ZNF318: variants seen among roughly 807,000 people sequenced by gnomAD.
ZNF318 encodes the protein zinc finger protein 318.
Under a neutral mutation model 124.2 loss-of-function variants are expected in ZNF318, and 51 were observed. The observed-to-expected ratio is 0.41, with a 90% CI of 0.33 to 0.52. ZNF318 has a LOEUF of 0.52. Ranked by LOEUF, ZNF318 falls within the 20% of genes least tolerant of loss-of-function variation. The probability of loss-of-function intolerance (pLI) is 0.23; values close to 1 mark genes in which losing one functional copy is unlikely to be tolerated. For synonymous variants in ZNF318, 1,090 were observed against 1,040.7 expected, an observed-to-expected ratio of 1.05 and a Z score of -0.91; for missense variants, 2,815 against 2,811.2, an observed-to-expected ratio of 1.00 and a Z score of -0.03.
chr6:43,359,838 A>T (rs1046430017), intron 2 of ZNF318, among the ~76,000 whole-genome samples: 3 of 152,194 alleles, frequency 2.0e-5, no homozygotes, highest in Admixed American at 6.5e-5. Flanking sequence ...CTTCTTCCTA[A>T]GAATTTGGGA....
At chr6:43,354,625 A>G (rs368480738) in intron 4 of ZNF318, 39 bp downstream of exon 4, 836 of 1,532,834 alleles carry the variant, frequency 5.5e-4, no homozygotes, top group Non-Finnish European at 6.8e-4. Context: ...ATGGCAAAAC[A>G]GAAAACTCAG....
intron 8 of ZNF318, among the ~76,000 whole-genome samples, chr6:43,341,817 AAGT>A (rs1413261657): frequency 6.6e-6 from 1 of 152,206 alleles, no homozygotes; most frequent in Non-Finnish European, 1.5e-5. Flanking sequence ...GATTCCAAAC[AAGT>A]AAGATTTTGG....
intron 8 of ZNF318, among the ~76,000 whole-genome samples, chr6:43,341,579 G>A (rs1308233486): frequency 6.6e-6 from 1 of 151,322 alleles, no homozygotes; most frequent in East Asian, 1.9e-4. Context: ...GAACCCGGGA[G>A]GCGGGGCTTG....
At chr6:43,363,648 C>T in intron 2 of ZNF318, 1 of 514,178 alleles carries the variant, frequency 1.9e-6, no homozygotes, top group Non-Finnish European at 3.5e-6. Flanking sequence ...AGATCAAGTC[C>T]CTGGAGAACT....
chr6:43,369,555 G>A lies in ZNF318; in HGVS notation c.-190C>T, dbSNP rs1275937196. 1 of 211,858 alleles carries A rather than the reference G, an allele frequency of 4.7e-6. No individual in the cohort carries two copies. The highest frequency in any genetic ancestry group is 8.1e-6 in the Non-Finnish European group (1 of 123,220). 13.1% of individuals were successfully genotyped at this position (211,858 alleles called of 1,614,324 possible). ...CCGGCCGAGCGCGCCCCCGCGGCTG[G>A]CGGTTGGAGGGCGCGAGCACGCGTC... On this transcript the variant is annotated 5_prime_UTR_variant, in exon 1 of 10. Coordinates refer to ENST00000361428, the MANE Select transcript of ZNF318 (RefSeq NM_014345.3).
chr6:43,341,004 T>C (rs1779367768), intron 8 of ZNF318, 96 bp from the exon 9 acceptor site: 2 of 915,816 alleles, frequency 2.2e-6, no homozygotes, highest in African/African-American at 3.3e-5. Flanking sequence ...AGTAAAATGG[T>C]TACAGTATAG....
intron 2 of ZNF318, among the ~76,000 whole-genome samples, chr6:43,358,023 T>C (rs1005382809): frequency 6.6e-6 from 1 of 152,180 alleles, no homozygotes; most frequent in African/African-American, 2.4e-5. Flanking sequence ...GCATGCAGAA[T>C]ATCATGGAAG....
intron 4 of ZNF318, 37 bp from the exon 5 acceptor site, chr6:43,352,513 C>G: frequency 6.4e-7 from 1 of 1,556,006 alleles, no homozygotes; most frequent in Non-Finnish European, 8.9e-7. Flanking sequence ...TCCATCTCCT[C>G]CAACATTCTC....
At chr6:43,347,381 T>C (rs577055203) in intron 6 of ZNF318, among the ~76,000 whole-genome samples, 1 of 152,294 alleles carries the variant, frequency 6.6e-6, no homozygotes, top group South Asian at 2.1e-4. Context: ...TGGACTTGAA[T>C]GTCAATGGAG....
Position 43,354,659 on chromosome 6 carries a change from T to C in ZNF318, c.2670+5A>G. ...AGGCACAGGATACCCAAAGCTAATA[T>C]TCACCTTTTGCTTCTGGGAAGCACG... is the stretch of plus-strand genomic sequence containing the variant. On this transcript the variant is annotated splice_donor_5th_base_variant and intron_variant, in intron 4 of 9. Coordinates refer to ENST00000361428, the MANE Select transcript of ZNF318 (RefSeq NM_014345.3). 6.3e-7 allele frequency: 1 copy of C among 1,589,204 alleles called. No individual in the cohort carries two copies. The highest frequency in any genetic ancestry group is 8.6e-7 in the Non-Finnish European group (1 of 1,165,570).
chr6:43,336,813 T>C lies in ZNF318; in HGVS notation c.*345A>G, dbSNP rs1779285678. ...CCCCCACATTTCAGAAATGGCAGAGTCAAAGCCAAAATACAATCAAAGCAC... is the reference window on the plus strand; with the variant it reads ...CCCCCACATTTCAGAAATGGCAGAGCCAAAGCCAAAATACAATCAAAGCAC... On this transcript the variant is annotated 3_prime_UTR_variant, in exon 10 of 10. Transcript: ENST00000361428. 1 of 153,514 alleles carries C rather than the reference T, an allele frequency of 6.5e-6. No homozygotes were observed. The highest frequency in any genetic ancestry group is 1.5e-5 in the Non-Finnish European group (1 of 68,860). The allele number at this position is 153,514 out of a possible 1,614,324, so 9.5% of individuals were successfully genotyped here.
chr6:43,348,294 A>G (rs940913066), intron 6 of ZNF318, 30 bp downstream of exon 6: 6 of 1,577,610 alleles, frequency 3.8e-6, no homozygotes, highest in Non-Finnish European at 5.1e-6. Flanking sequence ...GAAAAAAAAG[A>G]TGATAGAAAT....
intron 1 of ZNF318, 175 bp downstream of exon 1, chr6:43,368,792 T>G: frequency 2.0e-6 from 2 of 985,130 alleles, no homozygotes; most frequent in Non-Finnish European, 2.4e-6. Context: ...AGTCCGTTAT[T>G]GTGTCAACGC....
At position 43,338,655 on chromosome 6, in the gene ZNF318, T is replaced by C. The variant is rs768311047; in HGVS notation, c.5343A>G (p.Leu1781=). Residue 1781 remains leucine (L), a synonymous_variant, in exon 10 of 10, where the codon CTA becomes CTG. Transcript: ENST00000361428. ...CAGACAGCTCCTTTACCCTTTCTTT[T>C]AGTTCAGTGTTTGTCTCTATCTCAC... ...RESEIETNTE[L]KERVKELSEG... is the part of the protein sequence containing the mutation. 2 of 1,614,230 alleles carry C rather than the reference T, an allele frequency of 1.2e-6. No homozygotes were observed. The highest frequency in any genetic ancestry group is 1.1e-5 in the South Asian group (1 of 91,088).
Position 43,355,219 on chromosome 6 carries a change from G to A in ZNF318, c.2115C>T (p.Leu705=). The A allele has an allele frequency of 6.2e-7, 1 of 1,614,152 alleles. No homozygotes were observed. The change falls in exon 4 of 10, where the codon CTC becomes CTT. Residue 705 remains leucine, a synonymous_variant. Transcript: ENST00000361428. ...TTAGGAATGGAGGGCTGTTTTTTGT[G>A]AGCAGGTAAGGATCCACAGGAGAAG... ...HPPSPVDPYL[L]TKNSPPFLKS...
In ZNF318 at chr6:43,338,167, C is replaced by T. The variant is rs2150748057; in HGVS notation, c.5831G>A (p.Arg1944Lys). 1 of 1,614,056 alleles carries T rather than the reference C, an allele frequency of 6.2e-7. No individual in the cohort carries two copies. The highest frequency in any genetic ancestry group is 1.3e-5 in the African/African-American group (1 of 75,044). Residue 1944 changes from arginine (R) to lysine (K), a missense_variant, in exon 10 of 10, where the codon AGA becomes AAA. This residue lies in a region of ZNF318 where 927 missense variants were observed against 820.6 expected (regional missense o/e 1.13). Coordinates refer to ENST00000361428, the MANE Select transcript of ZNF318 (RefSeq NM_014345.3). Reference protein sequence around the residue: ...RYRSLKLKRERSKDFQVKKIY... With the variant: ...RYRSLKLKREKSKDFQVKKIY... ...CTTTTTAACTTGAAAGTCTTTTGATCTTTCTCTCTTGAGTTTGAGACTTCT... is the reference window on the plus strand; with the variant it reads ...CTTTTTAACTTGAAAGTCTTTTGATTTTTCTCTCTTGAGTTTGAGACTTCT...
Position 43,355,609 on chromosome 6 carries a change from T to G in ZNF318, c.1725A>C (p.Pro575=), listed in dbSNP as rs1021870606. 1 of 1,614,238 alleles carries G rather than the reference T, an allele frequency of 6.2e-7. No homozygotes were observed. The highest frequency in any genetic ancestry group is 8.5e-7 in the Non-Finnish European group (1 of 1,180,040). Residue 575 remains proline (P), a synonymous_variant, in exon 4 of 10, where the codon CCA becomes CCC. Transcript: ENST00000361428. Reference sequence around the variant, plus strand: ...CTTCTAGTGATTCTAGCTTTACAGCTGGAGCTGAAGACGGCAGGGAGCTTG... The same window carrying G: ...CTTCTAGTGATTCTAGCTTTACAGCGGGAGCTGAAGACGGCAGGGAGCTTG... The part of the protein sequence containing the change: ...QKASSLPSSA[P]AVKLESLEET...
Position 43,342,842 on chromosome 6 carries a change from C to T in ZNF318, c.3110G>A (p.Ser1037Asn), listed in dbSNP as rs1779389866. The change falls in exon 7 of 10, where the codon AGC (serine) becomes AAC (asparagine). Residue 1037 changes from serine to asparagine, a missense_variant. Physicochemically the swap from Ser to Asn is conservative, Grantham distance 46. Around this residue, in one of 4 missense-constraint regions of ZNF318, gnomAD observed 1,377 missense variants for 1,353.5 expected, o/e 1.02. Transcript: ENST00000361428. ...KVNNEKFRTK[S>N]PKPAESPQSA... ...CTGGGGGCTTTCGGCAGGCTTGGGGCTCTTAGTACGAAACTTCTCATTGTT... is the reference window on the plus strand; with the variant it reads ...CTGGGGGCTTTCGGCAGGCTTGGGGTTCTTAGTACGAAACTTCTCATTGTT... The T allele has an allele frequency of 1.2e-6, 2 of 1,613,602 alleles. No individual in the cohort carries two copies. Among genetic ancestry groups the T allele is most frequent in the East Asian group, 4.5e-5 (2 of 44,868 alleles).
rs1554193770 is a variant in ZNF318 at position 43,336,941 on chromosome 6, A to ATAT, written c.*214_*216dup. The ATAT allele has an allele frequency of 1.3e-4, 33 of 257,926 alleles. No homozygotes were observed. The highest frequency in any genetic ancestry group is 8.9e-4 in the South Asian group (6 of 6,712). 16.0% of individuals were successfully genotyped at this position (257,926 alleles called of 1,614,324 possible). A position where few individuals can be genotyped will look rare whatever the true frequency, so the allele number is the denominator to read the frequency against. Reference sequence around the variant, plus strand: ...AATACATTTTTACAGATATATATATATATATATAAGTTGTTATCGATTTGT... The same window carrying ATAT: ...AATACATTTTTACAGATATATATATATATTATATATAAGTTGTTATCGATTTGT... On this transcript the variant is annotated 3_prime_UTR_variant, in exon 10 of 10. Transcript: ENST00000361428.
Sources: gnomAD v4.1 joint callset for allele counts (sites outside exome capture counted in the v4.1 genomes callset) on GRCh38, gnomAD v4.1.1 for gene constraint, gnomAD v4.1.1 regional missense constraint, MANE v1.5 for transcripts, NCBI Gene and HGNC (gene_info 2026-07-23, HGNC 2026-07-21) for gene names.